Variants in NOL4 observed in about 807,000 individuals in gnomAD.
The protein encoded by NOL4 is cancer/testis antigen 125.
Under a neutral mutation model 75.9 loss-of-function variants are expected in NOL4, and 17 were observed. That is an observed-to-expected ratio of 0.22 (90% CI 0.15 to 0.34). NOL4 has a LOEUF of 0.34. Ranked by LOEUF, NOL4 falls within the 10% of genes least tolerant of loss-of-function variation. NOL4 has a pLI of 1.00. For missense variants in NOL4, 614 were observed against 793.5 expected (o/e 0.77, Z 2.72); for synonymous variants, 292 against 289.9 (o/e 1.01, Z -0.07).
rs576104291 is a variant in NOL4 at position 34,160,193 on chromosome 18, C to T, written c.265-30173G>A. Among the ~76,000 whole-genome samples, 4 of 151,868 alleles carry T rather than the reference C, an allele frequency of 2.6e-5. No homozygotes were observed. In the East Asian group the frequency reaches 7.7e-4, roughly 29 times the overall value. On this transcript the variant is annotated intron_variant, in intron 1 of 10. Transcript: ENST00000261592. Reference sequence around the variant, plus strand: ...AGAAACTCTATTGTTCAGCTGTAGACAAAGAAAAAGGCAAAGAAACAACTT... The same window carrying T: ...AGAAACTCTATTGTTCAGCTGTAGATAAAGAAAAAGGCAAAGAAACAACTT...
chr18:34,143,664 C>T (rs915833517), intron 1 of NOL4, among the ~76,000 whole-genome samples: 6 of 151,822 alleles, frequency 4.0e-5, no homozygotes, highest in East Asian at 1.9e-4. Context: ...GTCAGCAGTT[C>T]GAGACCAGCC....
intron 6 of NOL4, among the ~76,000 whole-genome samples, chr18:33,980,062 A>G (rs1378185181): frequency 6.6e-6 from 1 of 152,092 alleles, no homozygotes; most frequent in Non-Finnish European, 1.5e-5. Flanking sequence ...CTAACAACTA[A>G]AAAGCTAAAC....
chr18:34,160,147 C>T (rs1203157612), intron 1 of NOL4, among the ~76,000 whole-genome samples: 1 of 152,012 alleles, frequency 6.6e-6, no homozygotes, highest in Non-Finnish European at 1.5e-5. Context: ...TCCAATATAT[C>T]AAAAGGAGGA....
At chr18:33,881,786 G>A (rs1240478713) in intron 10 of NOL4, among the ~76,000 whole-genome samples, 5 of 152,068 alleles carry the variant, frequency 3.3e-5, no homozygotes, top group African/African-American at 4.8e-5. Context: ...GAGGCATCAT[G>A]CTACCTGACT....
At chr18:34,019,742 A>G (rs1248670260) in intron 5 of NOL4, 141 bp from the exon 6 acceptor site, 2 of 733,286 alleles carry the variant, frequency 2.7e-6, no homozygotes, top group Non-Finnish European at 4.3e-6. Flanking sequence ...TAAGCTTGTA[A>G]AGCAGTTATT....
At chr18:34,014,426 T>A (rs1445846366) in intron 6 of NOL4, among the ~76,000 whole-genome samples, 2 of 151,918 alleles carry the variant, frequency 1.3e-5, no homozygotes, top group Admixed American at 6.6e-5. Flanking sequence ...TTTAACCATA[T>A]AAAGTAAAAT....
intron 1 of NOL4, among the ~76,000 whole-genome samples, chr18:34,187,836 T>C (rs1012004765): frequency 6.6e-6 from 1 of 152,236 alleles, no homozygotes; most frequent in Non-Finnish European, 1.5e-5. Flanking sequence ...GTTTTTCAAC[T>C]CACTTGTGTA....
intron 2 of NOL4, among the ~76,000 whole-genome samples, chr18:34,119,602 A>G (rs1311752316): frequency 6.6e-6 from 1 of 151,958 alleles, no homozygotes; most frequent in East Asian, 1.9e-4. Flanking sequence ...TAGCCCAGTC[A>G]GGAGTATCTG....
intron 1 of NOL4, among the ~76,000 whole-genome samples, chr18:34,139,913 T>C (rs1039501949): frequency 2.0e-5 from 3 of 152,206 alleles, no homozygotes; most frequent in Admixed American, 6.5e-5. Context: ...AACATCTTTA[T>C]TTCTGCCTTC....
At chr18:34,113,826 G>T (rs533078554) in intron 2 of NOL4, among the ~76,000 whole-genome samples, 1 of 152,028 alleles carries the variant, frequency 6.6e-6, no homozygotes. Context: ...CCAACTTGAG[G>T]CCTATGTTAA....
chr18:33,900,182 G>A (rs1054267230), intron 9 of NOL4, among the ~76,000 whole-genome samples: 1 of 152,042 alleles, frequency 6.6e-6, no homozygotes, highest in Admixed American at 6.6e-5. Context: ...TTCATTCATC[G>A]AGGAAGAAGA....
At chr18:34,120,326 A>G (rs975758348) in intron 2 of NOL4, among the ~76,000 whole-genome samples, 1 of 152,214 alleles carries the variant, frequency 6.6e-6, no homozygotes, top group African/African-American at 2.4e-5. Flanking sequence ...TTTACATCAT[A>G]AGCTAGCACA....
intron 9 of NOL4, among the ~76,000 whole-genome samples, chr18:33,910,252 T>C (rs772814264): frequency 3.3e-5 from 5 of 152,206 alleles, no homozygotes; most frequent in Non-Finnish European, 5.9e-5. Flanking sequence ...TCTCTAACAC[T>C]GTTTCCTGGG....
intron 1 of NOL4, among the ~76,000 whole-genome samples, chr18:34,135,136 T>C (rs1263037868): frequency 3.9e-5 from 6 of 152,098 alleles, no homozygotes; most frequent in Non-Finnish European, 7.4e-5. Context: ...TGAAAACAAC[T>C]TTTTAAATGA....
rs558004755 is a variant in NOL4, at chr18:33,876,842, G to A, written c.1723+6402C>T. 2.1e-3 allele frequency among the ~76,000 whole-genome samples: 326 copies of A among 152,084 alleles called. 2 individuals are homozygous for A. Among genetic ancestry groups the A allele is most frequent in the South Asian group, 4.1e-3 (20 of 4,820 alleles). Reference sequence around the variant, plus strand: ...GGAGACAATATCATTGTTACAGGTAGTATACATTTTTTGGGTGAAGAAAAC... The same window carrying A: ...GGAGACAATATCATTGTTACAGGTAATATACATTTTTTGGGTGAAGAAAAC... On this transcript the variant is annotated intron_variant, in intron 10 of 10. Coordinates refer to ENST00000261592, the MANE Select transcript of NOL4 (RefSeq NM_003787.5).
chr18:33,867,466 C>A (rs186993024), intron 10 of NOL4, among the ~76,000 whole-genome samples: 1 of 151,786 alleles, frequency 6.6e-6, no homozygotes, highest in Non-Finnish European at 1.5e-5. Flanking sequence ...TAAAAAATTG[C>A]GGCCTATTGA....
At chr18:33,947,812 C>A (rs913974166) in intron 8 of NOL4, among the ~76,000 whole-genome samples, 1 of 151,868 alleles carries the variant, frequency 6.6e-6, no homozygotes, top group African/African-American at 2.4e-5. Context: ...CTGCTCAAAT[C>A]AGTGGCAGTT....
At chr18:33,888,207 G>A (rs2064878391) in intron 9 of NOL4, among the ~76,000 whole-genome samples, 1 of 152,140 alleles carries the variant, frequency 6.6e-6, no homozygotes, top group African/African-American at 2.4e-5. Flanking sequence ...TTTGTTGGCT[G>A]CATGAATGTC....
intron 5 of NOL4, among the ~76,000 whole-genome samples, chr18:34,029,496 C>T (rs2075525016): frequency 6.6e-6 from 1 of 152,172 alleles, no homozygotes; most frequent in African/African-American, 2.4e-5. Context: ...ATATCCTTGG[C>T]TCCTGATTGA....
Sources: gnomAD v4.1 joint callset for allele counts (sites outside exome capture counted in the v4.1 genomes callset) on GRCh38, gnomAD v4.1.1 for gene constraint, MANE v1.5 for transcripts, NCBI Gene and HGNC (gene_info 2026-07-23, HGNC 2026-07-21) for gene names.